SEMA4C: variants seen among roughly 807,000 people sequenced by gnomAD.
SEMA4C encodes the protein semaphorin 4C, also known as semaphorin-4C.
SEMA4C carries 19 observed loss-of-function variants against 89.0 expected under a neutral mutation model. That is an observed-to-expected ratio of 0.21 (90% confidence interval 0.15 to 0.31). The LOEUF (loss-of-function observed/expected upper bound fraction) is 0.31, where lower values mean the gene tolerates loss of function less well. Ranked by LOEUF, SEMA4C falls within the 10% of genes least tolerant of loss-of-function variation. The pLI, the probability that SEMA4C is intolerant of heterozygous loss-of-function variation, is 1.00. For missense variants in SEMA4C, 811 were observed against 1,107.0 expected (o/e 0.73, Z 3.79); for synonymous variants, 428 against 472.7 (o/e 0.91, Z 1.23).
chr2:96,866,698 A>C (rs1303371293), intron 2 of SEMA4C: 2 of 614,662 alleles, frequency 3.3e-6, no homozygotes, highest in Non-Finnish European at 6.1e-6. Flanking sequence ...AGAGGAAGCC[A>C]TCAGACTGAT....
At chr2:96,868,377 C>T in intron 1 of SEMA4C, 1 of 978,404 alleles carries the variant, frequency 1.0e-6, no homozygotes. Context: ...CGAGGGCATG[C>T]GGTGGGGTAG....
rs531374604 is a variant in SEMA4C, at chr2:96,860,468, G to A, written c.*158C>T. On this transcript the variant is annotated 3_prime_UTR_variant, in exon 15 of 15. Transcript: ENST00000305476. ...TGAGCCACACCAAGTGGCAGTGCCC[G>A]TGCTGAGCAGAGCAGGTCCTCATGG... 36 of 629,208 alleles carry A rather than the reference G, an allele frequency of 5.7e-5. No homozygotes were observed. The highest frequency in any genetic ancestry group is 3.2e-4 in the South Asian group (13 of 40,840). 39.0% of individuals were successfully genotyped at this position (629,208 alleles called of 1,614,324 possible). A position where few individuals can be genotyped will look rare whatever the true frequency, so the allele number is the denominator to read the frequency against.
At position 96,860,963 on chromosome 2, in the gene SEMA4C, G is replaced by A; in HGVS notation, c.2165C>T (p.Pro722Leu). 1 of 1,613,050 alleles carries A rather than the reference G, an allele frequency of 6.2e-7. No homozygotes were observed. Among genetic ancestry groups the A allele is most frequent in the Non-Finnish European group, 8.5e-7 (1 of 1,180,036 alleles). ...PKEPTSPPFR[P>L]CPEPDEKLWD... The stretch of plus-strand genomic sequence containing the variant: ...AAGTTTCTCATCTGGTTCAGGACAG[G>A]GCCGGAAGGGGGGACTGGTGGGCTC... Residue 722 changes from proline to leucine, a missense_variant, in exon 15 of 15, where the codon CCC (proline) becomes CTC (leucine). Transcript: ENST00000305476.
Position 96,860,520 on chromosome 2 carries a change from C to G in SEMA4C, c.*106G>C, listed in dbSNP as rs2079915958. The G allele has an allele frequency of 9.6e-7, 1 of 1,045,018 alleles. No individual in the cohort carries two copies. The highest frequency in any genetic ancestry group is 1.4e-6 in the Non-Finnish European group (1 of 722,944). 64.7% of individuals were successfully genotyped at this position (1,045,018 alleles called of 1,614,324 possible). A position where few individuals can be genotyped will look rare whatever the true frequency, so the allele number is the denominator to read the frequency against. On this transcript the variant is annotated 3_prime_UTR_variant, in exon 15 of 15. Transcript: ENST00000305476. ...CGGGTGGGTGCTGGGCAGTATCTGTCCCAGACAGAGCAGGTGCCCGTGCCA... is the reference window on the plus strand; with the variant it reads ...CGGGTGGGTGCTGGGCAGTATCTGTGCCAGACAGAGCAGGTGCCCGTGCCA...
chr2:96,869,510 C>T, intron 1 of SEMA4C: 2 of 985,300 alleles, frequency 2.0e-6, no homozygotes, highest in Non-Finnish European at 2.4e-6. Context: ...TCCGATCCCA[C>T]AACATCGGCC....
intron 2 of SEMA4C, among the ~76,000 whole-genome samples, chr2:96,867,431 T>A (rs892286012): frequency 5.9e-5 from 9 of 152,134 alleles, no homozygotes; most frequent in East Asian, 1.9e-4. Context: ...TAGGAGGTCT[T>A]AGGGGGGCCT....
chr2:96,865,625 G>A (rs955827287), intron 5 of SEMA4C, 41 bp downstream of exon 5: 2 of 1,600,412 alleles, frequency 1.2e-6, no homozygotes, highest in Non-Finnish European at 1.7e-6. Flanking sequence ...GGTGAGGAGG[G>A]CGGGGGGCTG....
chr2:96,867,347 C>T (rs2314649), intron 2 of SEMA4C, among the ~76,000 whole-genome samples: 11,436 of 152,156 alleles, frequency 0.075, 1,424 homozygotes, highest in African/African-American at 0.26. Flanking sequence ...CGCTGTGCCC[C>T]GGCAACCATG....
rs767281320 is a variant in SEMA4C at position 96,864,988 on chromosome 2, C to T, written c.762G>A (p.Val254=). 9.6e-6 allele frequency: 15 copies of T among 1,570,472 alleles called. No homozygotes were observed. Among genetic ancestry groups the T allele is most frequent in the South Asian group, 3.5e-5 (3 of 86,450 alleles). The change falls in exon 8 of 15, where the codon GTG becomes GTA. Residue 254 remains valine, a synonymous_variant. Transcript: ENST00000305476. This position sits in a 1 kb window ranked among gnomAD's most constrained non-coding sequence, Gnocchi z 6.3. ...CCTTGCAGACACGGGCCACACGAGC[C>T]ACCACCTGCTCGGCATAGCAGTCGG... is the stretch of plus-strand genomic sequence containing the variant. ...VESDCYAEQV[V]ARVARVCKGD...
intron 2 of SEMA4C, chr2:96,866,774 C>A: frequency 2.4e-6 from 1 of 416,286 alleles, no homozygotes; most frequent in Non-Finnish European, 4.6e-6. Flanking sequence ...CCCACCTTCG[C>A]TTCCTCGGCG....
rs200655318 is a variant in SEMA4C at position 96,865,890 on chromosome 2, T to C, written c.298A>G (p.Ile100Val). 9.3e-6 allele frequency: 15 copies of C among 1,614,054 alleles called. No individual in the cohort carries two copies. The African/African-American group carries it at 1.6e-4, about 17-fold the overall frequency. The change falls in exon 4 of 15, where the codon ATC becomes GTC. Residue 100 changes from isoleucine to valine, a missense_variant. Physicochemically the swap from Ile to Val is conservative, Grantham distance 29. Coordinates refer to ENST00000305476, the MANE Select transcript of SEMA4C (RefSeq NM_017789.5). ...ACCTGGTTGTTCTTCCCTTTCTGGA[T>C]ACACTCAGTCTTCTTCTCCACGGGG... ...EAPVEKKTEC[I>V]QKGKNNQTEC... is the part of the protein sequence containing the mutation.
Position 96,861,417 on chromosome 2 carries a change from T to C in SEMA4C, c.1711A>G (p.Thr571Ala). Residue 571 changes from threonine to alanine, a missense_variant, in exon 15 of 15, where the codon ACA becomes GCA. Transcript: ENST00000305476. The surrounding 1 kb of genome is among the most constrained non-coding windows in gnomAD (Gnocchi z 7.8). ...TPKNITVVAG[T>A]DLVLPCHLSS... is the part of the protein sequence containing the mutation. Reference sequence around the variant, plus strand: ...AGGTGGCAGGGCAGCACCAGGTCTGTGCCCGCCACCACCGTGATGTTTTTG... The same window carrying C: ...AGGTGGCAGGGCAGCACCAGGTCTGCGCCCGCCACCACCGTGATGTTTTTG... The C allele has an allele frequency of 6.2e-7, 1 of 1,611,492 alleles. No individual in the cohort carries two copies. The highest frequency in any genetic ancestry group is 1.7e-5 in the Admixed American group (1 of 60,020).
intron 12 of SEMA4C, chr2:96,863,471 A>G (rs2079998685): frequency 1.5e-6 from 2 of 1,327,854 alleles, no homozygotes; most frequent in East Asian, 5.5e-5. Flanking sequence ...CTGGCTATAT[A>G]TAATGGCCCT....
Position 96,865,892 on chromosome 2 carries a change from C to T in SEMA4C, c.296G>A (p.Cys99Tyr). Residue 99 changes from cysteine (C) to tyrosine (Y), a missense_variant, in exon 4 of 15, where the codon TGT becomes TAT. Coordinates refer to ENST00000305476, the MANE Select transcript of SEMA4C (RefSeq NM_017789.5). ...CTGGTTGTTCTTCCCTTTCTGGATA[C>T]ACTCAGTCTTCTTCTCCACGGGGGC... ...WEAPVEKKTE[C>Y]IQKGKNNQTE... is the part of the protein sequence containing the mutation. The T allele has an allele frequency of 6.2e-7, 1 of 1,614,090 alleles. No homozygotes were observed. The highest frequency in any genetic ancestry group is 8.5e-7 in the Non-Finnish European group (1 of 1,180,022).
chr2:96,861,918 AG>A lies in SEMA4C; in HGVS notation c.1444-25del. The A allele has an allele frequency of 1.9e-6, 3 of 1,587,448 alleles. No individual in the cohort carries two copies. Among genetic ancestry groups the A allele is most frequent in the Non-Finnish European group, 1.7e-6 (2 of 1,167,996 alleles). ...TTCTGCGAGAAAAGCGGGGCGCAGG[AG>A]GGGGGTCGGCCAGGGCCACACCACG... On this transcript the variant is annotated intron_variant, in intron 12 of 14. Coordinates refer to ENST00000305476, the MANE Select transcript of SEMA4C (RefSeq NM_017789.5). The surrounding 1 kb of genome is among the most constrained non-coding windows in gnomAD (Gnocchi z 7.8).
At chr2:96,866,226 C>T (rs2080067395) in intron 3 of SEMA4C, 57 bp downstream of exon 3, 3 of 1,546,530 alleles carry the variant, frequency 1.9e-6, no homozygotes, top group South Asian at 2.5e-5. Context: ...CAAGCACAGC[C>T]CCTCTGGGCC....
In SEMA4C at chr2:96,861,324, A is replaced by G. The variant is rs142553481; in HGVS notation, c.1804T>C (p.Ser602Pro). Residue 602 changes from serine to proline, a missense_variant, in exon 15 of 15, where the codon TCC becomes CCC. Transcript: ENST00000305476. This position sits in a 1 kb window ranked among gnomAD's most constrained non-coding sequence, Gnocchi z 7.8. ...TGGAGCCGGGCATCGTAGAGGAAGG[A>G]CCCGGGCTGTTCCGCAGGCAGGTCC... Reference protein sequence around the residue: ...GRDLPAEQPGSFLYDARLQAL... With the variant: ...GRDLPAEQPGPFLYDARLQAL... The G allele has an allele frequency of 5.6e-6, 9 of 1,606,956 alleles. No homozygotes were observed. In the Admixed American group the frequency reaches 1.5e-4, roughly 27 times the overall value.
rs757404284 is a variant in SEMA4C, at chr2:96,865,769, G to T, written c.322-5C>A. On this transcript the variant is annotated splice_polypyrimidine_tract_variant and splice_region_variant and intron_variant, in intron 4 of 14. Transcript: ENST00000305476. ...GATGAAGTTGAAGCACTCGGTCTGG[G>T]GGCAGAAAGGTGTCCGGTTAGTGAG... 3.1e-6 allele frequency: 5 copies of T among 1,613,992 alleles called. No homozygotes were observed. The South Asian group carries it at 4.4e-5, about 14-fold the overall frequency.
upstream of SEMA4C, chr2:96,870,422 C>A: frequency 2.1e-6 from 1 of 485,556 alleles, no homozygotes; most frequent in Non-Finnish European, 2.7e-6. Context: ...GCGGGCTGGG[C>A]TGGGGAGAGG....
Sources: gnomAD v4.1 joint callset for allele counts (sites outside exome capture counted in the v4.1 genomes callset) on GRCh38, gnomAD v4.1.1 for gene constraint, Gnocchi (gnomAD v3.1) non-coding constraint, MANE v1.5 for transcripts, NCBI Gene and HGNC (gene_info 2026-07-23, HGNC 2026-07-21) for gene names.